Variants in TNIK observed in about 807,000 individuals in gnomAD.
TNIK encodes the protein TRAF2 and NCK interacting kinase, also known as TRAF2 and NCK-interacting protein kinase.
Under a neutral mutation model 191.3 loss-of-function variants are expected in TNIK, and 49 were observed. The ratio of observed to expected loss-of-function variants is 0.26; its 90% CI spans 0.20 to 0.32. TNIK has a LOEUF of 0.32. Among genes scored for constraint, TNIK ranks in the 10% least tolerant of loss-of-function variants. The pLI is 1.00. For synonymous variants in TNIK, 594 were observed against 600.9 expected, an observed-to-expected ratio of 0.99 and a Z score of 0.17; for missense variants, 1,155 against 1,702.3, an observed-to-expected ratio of 0.68 and a Z score of 5.66.
At position 171,194,644 on chromosome 3, in the gene TNIK, G is replaced by A. The variant is rs1553852855; in HGVS notation, c.307-9C>T. ...CAAAACTCCATCACCAACTGGCAAA[G>A]GAAGCAAACAAGCCATTATTTTAAT... On this transcript the variant is annotated splice_polypyrimidine_tract_variant and intron_variant, in intron 4 of 32. Coordinates refer to ENST00000436636, the MANE Select transcript of TNIK (RefSeq NM_015028.4). The A allele has an allele frequency of 6.2e-7, 1 of 1,612,198 alleles. No homozygotes were observed. The highest frequency in any genetic ancestry group is 1.7e-5 in the Admixed American group (1 of 59,798).
At chr3:171,336,020 G>A (rs1369345879) in intron 2 of TNIK, among the ~76,000 whole-genome samples, 3 of 151,982 alleles carry the variant, frequency 2.0e-5, no homozygotes, top group Non-Finnish European at 4.4e-5. Context: ...CCTGATGACC[G>A]ATGTTAAGTA....
intron 1 of TNIK, among the ~76,000 whole-genome samples, chr3:171,392,778 C>T (rs1343342378): frequency 1.0e-5 from 1 of 95,280 alleles, no homozygotes; most frequent in Non-Finnish European, 2.0e-5. Flanking sequence ...GATTCTGTCT[C>T]AAAAAAAAAA....
intron 1 of TNIK, among the ~76,000 whole-genome samples, chr3:171,370,431 T>C (rs776042421): frequency 4.6e-5 from 7 of 152,200 alleles, no homozygotes; most frequent in Non-Finnish European, 8.8e-5. Context: ...AAATTACTGC[T>C]ATTATAACTG....
intron 2 of TNIK, among the ~76,000 whole-genome samples, chr3:171,262,183 G>A (rs551637376): frequency 1.8e-4 from 28 of 152,050 alleles, no homozygotes; most frequent in Admixed American, 8.5e-4. Context: ...CCTTCCCTTC[G>A]TTTTGTTTAG....
chr3:171,157,190 G>C (rs1424548706), intron 12 of TNIK, among the ~76,000 whole-genome samples: 2 of 152,196 alleles, frequency 1.3e-5, no homozygotes, highest in East Asian at 3.9e-4. Flanking sequence ...TTTAAGTAAA[G>C]CTGAGAAGGT....
At chr3:171,167,539 G>T (rs972847047) in intron 9 of TNIK, among the ~76,000 whole-genome samples, 2 of 152,126 alleles carry the variant, frequency 1.3e-5, no homozygotes, top group Non-Finnish European at 2.9e-5. Flanking sequence ...TTACATAGCA[G>T]ACCAAAAGGA....
intron 2 of TNIK, among the ~76,000 whole-genome samples, chr3:171,252,905 A>C (rs914047410): frequency 3.3e-5 from 5 of 152,174 alleles, no homozygotes; most frequent in African/African-American, 1.2e-4. Context: ...TAAATGGAGT[A>C]GGGGTGTAGA....
intron 2 of TNIK, among the ~76,000 whole-genome samples, chr3:171,301,409 G>A (rs2108270846): frequency 6.6e-6 from 1 of 151,734 alleles, no homozygotes; most frequent in East Asian, 1.9e-4. Flanking sequence ...CCACCTCCTG[G>A]GTTCAAGCGA....
At chr3:171,347,230 A>AT in intron 2 of TNIK, 1 of 1,526,346 alleles carries the variant, frequency 6.6e-7, no homozygotes, top group South Asian at 1.2e-5. Flanking sequence ...TGAAAAAAAA[A>AT]AAAAAAGAAA....
chr3:171,166,683 C>A (rs1734656268), intron 10 of TNIK, among the ~76,000 whole-genome samples: 1 of 152,084 alleles, frequency 6.6e-6, no homozygotes, highest in South Asian at 2.1e-4. Flanking sequence ...AGCCTCAGAG[C>A]ACATAAATTT....
chr3:171,217,708 A>AT (rs1741617307), intron 3 of TNIK, among the ~76,000 whole-genome samples: 1 of 152,188 alleles, frequency 6.6e-6, no homozygotes. Context: ...GAAGACACAG[A>AT]TATGAATCAA....
intron 2 of TNIK, among the ~76,000 whole-genome samples, chr3:171,318,298 CG>C (rs1754847360): frequency 6.6e-6 from 1 of 152,094 alleles, no homozygotes; most frequent in East Asian, 1.9e-4. Flanking sequence ...AAAACACAGG[CG>C]TAACATAATT....
intron 22 of TNIK, among the ~76,000 whole-genome samples, chr3:171,096,019 CTCT>C (rs1722663104): frequency 6.6e-6 from 1 of 151,484 alleles, no homozygotes. Flanking sequence ...TTTTTTCTTG[CTCT>C]TCTTTCTTCC....
chr3:171,384,874 T>C (rs1261997154), intron 1 of TNIK, among the ~76,000 whole-genome samples: 1 of 152,236 alleles, frequency 6.6e-6, no homozygotes, highest in African/African-American at 2.4e-5. Context: ...TTTTAGCCTT[T>C]GGTGTCTTTT....
At chr3:171,304,325 A>G (rs1177944380) in intron 2 of TNIK, among the ~76,000 whole-genome samples, 1 of 152,138 alleles carries the variant, frequency 6.6e-6, no homozygotes, top group African/African-American at 2.4e-5. Flanking sequence ...ATCTCACACC[A>G]GTTAGAATGG....
chr3:171,288,040 CCATCATTCT>C, intron 2 of TNIK, among the ~76,000 whole-genome samples: 1 of 150,028 alleles, frequency 6.7e-6, no homozygotes, highest in Middle Eastern at 3.4e-3. Context: ...AAATTGGAAA[CCATCATTCT>C]CAGTAAACTA....
chr3:171,329,169 A>G (rs1477380245), intron 2 of TNIK, among the ~76,000 whole-genome samples: 1 of 151,994 alleles, frequency 6.6e-6, no homozygotes, highest in East Asian at 1.9e-4. Context: ...CACGTTAACT[A>G]TTACTTATTT....
At chr3:171,165,967 T>C (rs1442511478) in intron 10 of TNIK, among the ~76,000 whole-genome samples, 1 of 152,232 alleles carries the variant, frequency 6.6e-6, no homozygotes, top group East Asian at 1.9e-4. Context: ...ACCTTGGTCA[T>C]GGCGCAGTCA....
intron 1 of TNIK, among the ~76,000 whole-genome samples, chr3:171,397,418 T>A (rs949722509): frequency 6.6e-6 from 1 of 152,180 alleles, no homozygotes; most frequent in African/African-American, 2.4e-5. Flanking sequence ...TTTCTGAATG[T>A]CTTTGACTCA....
Sources: gnomAD v4.1 joint callset for allele counts (sites outside exome capture counted in the v4.1 genomes callset) on GRCh38, gnomAD v4.1.1 for gene constraint, MANE v1.5 for transcripts, NCBI Gene and HGNC (gene_info 2026-07-23, HGNC 2026-07-21) for gene names.